The following SGCZ variants were observed in gnomAD, a reference collection of about 807,000 sequenced individuals.
SGCZ encodes the protein zeta-sarcoglycan.
A neutral mutation model predicts 41.3 loss-of-function variants in SGCZ; 40 were observed. That is an observed-to-expected ratio of 0.97 (90% CI 0.75 to 1.26). The LOEUF is 1.26. Among genes scored for constraint, SGCZ ranks in the 50% most tolerant of loss-of-function variants. SGCZ has a pLI of 0.00. For missense variants in SGCZ, 552 were observed against 369.8 expected (o/e 1.49, Z -4.04); for synonymous variants, 206 against 137.5 (o/e 1.50, Z -3.49).
chr8:15,229,217 A>T (rs1179516976), intron 1 of SGCZ, among the ~76,000 whole-genome samples: 3 of 152,176 alleles, frequency 2.0e-5, no homozygotes, highest in African/African-American at 4.8e-5. Context: ...ATGCATAGTT[A>T]TAAGTTGTTC....
chr8:14,903,588 G>T (rs985994594), intron 1 of SGCZ, among the ~76,000 whole-genome samples: 52 of 152,118 alleles, frequency 3.4e-4, no homozygotes, highest in African/African-American at 1.3e-3. Flanking sequence ...TTAGCCTTTA[G>T]GTTGGAAAAA....
At chr8:14,616,631 C>G (rs941614869) in intron 1 of SGCZ, among the ~76,000 whole-genome samples, 1 of 152,038 alleles carries the variant, frequency 6.6e-6, no homozygotes, top group South Asian at 2.1e-4. Flanking sequence ...AGGGAGAATT[C>G]AGGCACTGAG....
At chr8:15,052,374 G>A (rs546256419) in intron 1 of SGCZ, among the ~76,000 whole-genome samples, 1 of 152,274 alleles carries the variant, frequency 6.6e-6, no homozygotes, top group Admixed American at 6.5e-5. Context: ...ATCCCAAAAA[G>A]CAGTGGGAAG....
chr8:15,099,093 T>A (rs1243457980), intron 1 of SGCZ, among the ~76,000 whole-genome samples: 2 of 152,122 alleles, frequency 1.3e-5, no homozygotes, highest in Non-Finnish European at 2.9e-5. Flanking sequence ...CAGTAGTGCC[T>A]CTGCAGGTTT....
chr8:15,158,455 TA>T (rs1799402212), intron 1 of SGCZ, among the ~76,000 whole-genome samples: 1 of 152,182 alleles, frequency 6.6e-6, no homozygotes. Flanking sequence ...ATACTTGGGT[TA>T]AAAAGAATTC....
chr8:14,633,654 T>A (rs1012827365), intron 1 of SGCZ, among the ~76,000 whole-genome samples: 1 of 151,838 alleles, frequency 6.6e-6, no homozygotes, highest in East Asian at 1.9e-4. Context: ...TCATAACAGA[T>A]CTTCTTACTT....
chr8:14,264,677 G>A (rs892189288), intron 3 of SGCZ, among the ~76,000 whole-genome samples: 2 of 152,126 alleles, frequency 1.3e-5, no homozygotes, highest in African/African-American at 4.8e-5. Context: ...AACCCCAGAT[G>A]GTTGCCGGGA....
chr8:15,097,835 CGT>C (rs374986405), intron 1 of SGCZ, among the ~76,000 whole-genome samples: 72,246 of 101,914 alleles, frequency 0.71, 23,790 homozygotes, highest in East Asian at 0.8. Flanking sequence ...TATATATATA[CGT>C]GTGTGTATAT....
At chr8:15,023,992 A>G (rs1803354887) in intron 1 of SGCZ, among the ~76,000 whole-genome samples, 1 of 152,238 alleles carries the variant, frequency 6.6e-6, no homozygotes, top group Admixed American at 6.5e-5. Context: ...GATAAGTGAT[A>G]TTTAAGCCAT....
At chr8:14,212,467 C>CAAAAAAAAAAAA (rs33947419) in intron 4 of SGCZ, among the ~76,000 whole-genome samples, 27 of 97,908 alleles carry the variant, frequency 2.8e-4, no homozygotes, top group Non-Finnish European at 4.3e-4. Flanking sequence ...ATGCAAAAGA[C>CAAAAAAAAAAAA]AAAAAAAAAA....
chr8:14,198,931 G>A (rs889872380), intron 4 of SGCZ, among the ~76,000 whole-genome samples: 10 of 152,068 alleles, frequency 6.6e-5, no homozygotes, highest in South Asian at 2.1e-4. Context: ...TGTCATCTTC[G>A]TAAGCTGAGG....
chr8:14,930,816 C>A (rs1035889453), intron 1 of SGCZ, among the ~76,000 whole-genome samples: 1 of 151,766 alleles, frequency 6.6e-6, no homozygotes, highest in Non-Finnish European at 1.5e-5. Context: ...ACATCACACA[C>A]CAGGGCTTGT....
intron 4 of SGCZ, among the ~76,000 whole-genome samples, chr8:14,208,304 G>C (rs1263474455): frequency 6.6e-6 from 1 of 152,136 alleles, no homozygotes; most frequent in African/African-American, 2.4e-5. Context: ...TTATCAGTTA[G>C]TTGAAACATT....
At chr8:14,961,629 G>C (rs1006611076) in intron 1 of SGCZ, among the ~76,000 whole-genome samples, 1 of 152,032 alleles carries the variant, frequency 6.6e-6, no homozygotes, top group Non-Finnish European at 1.5e-5. Flanking sequence ...AAAAAACATA[G>C]TACATATAGG....
At chr8:14,500,316 T>C (rs939798314) in intron 2 of SGCZ, among the ~76,000 whole-genome samples, 4 of 152,002 alleles carry the variant, frequency 2.6e-5, no homozygotes, top group African/African-American at 9.7e-5. Flanking sequence ...TCAGGCGCCA[T>C]TGTCAGAAAA....
chr8:14,455,755 G>T (rs543795537), intron 2 of SGCZ, among the ~76,000 whole-genome samples: 22 of 152,182 alleles, frequency 1.4e-4, no homozygotes, highest in Non-Finnish European at 2.8e-4. Context: ...ACACAAAAGA[G>T]TTCTTGGCAG....
chr8:14,432,256 A>G (rs1156736111), intron 2 of SGCZ, among the ~76,000 whole-genome samples: 2 of 152,214 alleles, frequency 1.3e-5, no homozygotes, highest in Non-Finnish European at 2.9e-5. Context: ...ACAATTCGCA[A>G]TTGCAAAAAT....
Position 15,130,079 on chromosome 8 carries a change from A to G in SGCZ, c.39+107506T>C, listed in dbSNP as rs552930636. The stretch of plus-strand genomic sequence containing the variant: ...AGAATGAGGCATCCTATTTTGGTCG[A>G]TTTTGGTGTTATCTGTAATGATATT... On this transcript the variant is annotated intron_variant, in intron 1 of 7. Transcript: ENST00000382080. Among the ~76,000 whole-genome samples the G allele has an allele frequency of 1.1e-4, 16 of 152,120 alleles. No individual in the cohort carries two copies. The South Asian group carries it at 3.1e-3, about 30-fold the overall frequency.
intron 1 of SGCZ, among the ~76,000 whole-genome samples, chr8:14,878,056 G>A (rs1004024293): frequency 2.4e-4 from 36 of 152,172 alleles, no homozygotes; most frequent in African/African-American, 8.7e-4. Flanking sequence ...GATGTTCCCT[G>A]TCCTAAGTGG....
Sources: allele counts gnomAD v4.1 joint callset (sites outside exome capture counted in the v4.1 genomes callset), GRCh38; gene constraint gnomAD v4.1.1; transcripts MANE v1.5; gene names NCBI Gene and HGNC (gene_info 2026-07-23, HGNC 2026-07-21).